The following ARF5 variants were observed in gnomAD, a reference collection of about 807,000 sequenced individuals.
ARF5 encodes the protein ARF GTPase 5.
A neutral mutation model predicts 24.8 loss-of-function variants in ARF5; 10 were observed. That is an observed-to-expected ratio of 0.40 (90% CI 0.25 to 0.68). The LOEUF is 0.68. Among genes scored for constraint, ARF5 ranks in the 30% least tolerant of loss-of-function variants. The probability of loss-of-function intolerance (pLI) is 0.36; values close to 1 mark genes in which losing one functional copy is unlikely to be tolerated. For synonymous variants in ARF5, 102 were observed against 95.1 expected, an observed-to-expected ratio of 1.07 and a Z score of -0.42; for missense variants, 135 against 239.2, an observed-to-expected ratio of 0.56 and a Z score of 2.87.
Position 127,589,068 on chromosome 7 carries a change from C to G in ARF5, c.68-15C>G. On this transcript the variant is annotated splice_polypyrimidine_tract_variant and intron_variant, in intron 1 of 5. Transcript: ENST00000000233. ...CTCGCTCCCATCTCCATCCCTGTGC[C>G]CCTTTCCGTTGCAGTTGGCTTGGAT... is the stretch of plus-strand genomic sequence containing the variant. 5.6e-6 allele frequency: 9 copies of G among 1,614,182 alleles called. No homozygotes were observed. Among genetic ancestry groups the G allele is most frequent in the Non-Finnish European group, 7.6e-6 (9 of 1,179,990 alleles).
chr7:127,591,130 G>A (rs1203021681), intron 5 of ARF5, 42 bp downstream of exon 5: 3 of 1,612,032 alleles, frequency 1.9e-6, no homozygotes, highest in South Asian at 2.2e-5. Context: ...TGCCTCTTGA[G>A]GGAAGCTGCA....
rs2117415613 is a variant in ARF5, at chr7:127,589,567, G to A, written c.231G>A (p.Leu77=). 6.2e-7 allele frequency: 1 copy of A among 1,613,972 alleles called. No homozygotes were observed. The highest frequency in any genetic ancestry group is 1.3e-5 in the African/African-American group (1 of 75,030). Residue 77 remains leucine (L), a synonymous_variant, in exon 3 of 6, where the codon CTG becomes CTA. Transcript: ENST00000000233. ...DVGGQDKIRP[L]WRHYFQNTQG... is the part of the protein sequence containing the mutation. ...GAGGCCAGGACAAGATTCGGCCTCT[G>A]TGGCGGCACTACTTCCAGAACACTC...
At position 127,591,544 on chromosome 7, in the gene ARF5, C is replaced by G; in HGVS notation, c.*245C>G. The stretch of plus-strand genomic sequence containing the variant: ...TATGGAAGGGGCTTCCTGGCCAAGG[C>G]CCCCTCTTCCAGAGGAGGAGCAGGG... On this transcript the variant is annotated 3_prime_UTR_variant, in exon 6 of 6. Transcript: ENST00000000233. The G allele has an allele frequency of 1.1e-5, 5 of 475,566 alleles. No individual in the cohort carries two copies. Among genetic ancestry groups the G allele is most frequent in the Non-Finnish European group, 1.8e-5 (5 of 271,820 alleles). 29.5% of individuals were successfully genotyped at this position (475,566 alleles called of 1,614,324 possible).
Position 127,588,574 on chromosome 7 carries a change from G to A in ARF5, c.67+9G>A. The A allele has an allele frequency of 7.1e-7, 1 of 1,409,774 alleles. No homozygotes were observed. The highest frequency in any genetic ancestry group is 1.5e-5 in the African/African-American group (1 of 67,638). 87.3% of individuals were successfully genotyped at this position (1,409,774 alleles called of 1,614,324 possible). A position where few individuals can be genotyped will look rare whatever the true frequency, so the allele number is the denominator to read the frequency against. Reference sequence around the variant, plus strand: ...GATGCGGATTCTCATGGGTGAGGCAGATCGAGCGCGCGGCCCGGACCGGGG... The same window carrying A: ...GATGCGGATTCTCATGGGTGAGGCAAATCGAGCGCGCGGCCCGGACCGGGG... On this transcript the variant is annotated intron_variant, in intron 1 of 5. Transcript: ENST00000000233.
intron 3 of ARF5, 41 bp downstream of exon 3, chr7:127,589,635 G>C: frequency 1.3e-6 from 2 of 1,501,854 alleles, no homozygotes; most frequent in Non-Finnish European, 1.8e-6. Context: ...CACGGGAAAA[G>C]GTGTTAGGGC....
At position 127,591,599 on chromosome 7, in the gene ARF5, G is replaced by A; in HGVS notation, c.*300G>A. On this transcript the variant is annotated 3_prime_UTR_variant, in exon 6 of 6. Coordinates refer to ENST00000000233, the MANE Select transcript of ARF5 (RefSeq NM_001662.4). Reference sequence around the variant, plus strand: ...GGGTTTCCTTTTTTTTTTCTGTTTTGGGTGTACTCTAGGGGCCAGGTTGGG... The same window carrying A: ...GGGTTTCCTTTTTTTTTTCTGTTTTAGGTGTACTCTAGGGGCCAGGTTGGG... The A allele has an allele frequency of 2.7e-6, 1 of 365,750 alleles. No homozygotes were observed. The highest frequency in any genetic ancestry group is 5.0e-6 in the Non-Finnish European group (1 of 201,896). The allele number at this position is 365,750 out of a possible 1,614,324, so 22.7% of individuals were successfully genotyped here.
At chr7:127,590,003 C>T in intron 3 of ARF5, 63 bp from the exon 4 acceptor site, 1 of 1,391,042 alleles carries the variant, frequency 7.2e-7, no homozygotes, top group Non-Finnish European at 1.0e-6. Flanking sequence ...CAGAAAGGGC[C>T]ACACTACGGT....
At chr7:127,589,017 C>T (rs574798687) in intron 1 of ARF5, 66 bp from the exon 2 acceptor site, 2 of 1,573,258 alleles carry the variant, frequency 1.3e-6, no homozygotes, top group Admixed American at 1.7e-5. Context: ...GTGGCCTCTC[C>T]CTTTCCCTGG....
rs1381682477 is a variant in ARF5 at position 127,591,339 on chromosome 7, G to A, written c.*40G>A. On this transcript the variant is annotated 3_prime_UTR_variant, in exon 6 of 6. Coordinates refer to ENST00000000233, the MANE Select transcript of ARF5 (RefSeq NM_001662.4). Reference sequence around the variant, plus strand: ...GCCCCTGATGCCCGGAAGCTCCTGCGTGCATCCCCGGGATGACCAGACTCC... The same window carrying A: ...GCCCCTGATGCCCGGAAGCTCCTGCATGCATCCCCGGGATGACCAGACTCC... 3 of 1,517,968 alleles carry A rather than the reference G, an allele frequency of 2.0e-6. No individual in the cohort carries two copies. Among genetic ancestry groups the A allele is most frequent in the Non-Finnish European group, 2.6e-6 (3 of 1,133,084 alleles). The allele number at this position is 1,517,968 out of a possible 1,614,324, so 94.0% of individuals were successfully genotyped here. A position where few individuals can be genotyped will look rare whatever the true frequency, so the allele number is the denominator to read the frequency against.
At position 127,590,477 on chromosome 7, in the gene ARF5, C is replaced by T. The variant is rs544424328; in HGVS notation, c.330+340C>T. On this transcript the variant is annotated intron_variant, in intron 4 of 5. Transcript: ENST00000000233. ...CCTCCCAAGTAGCTGGGATTACAGG[C>T]GCCCGCTGCCATGCCCAGTTAATTT... Among the ~76,000 whole-genome samples, 31 of 152,232 alleles carry T rather than the reference C, an allele frequency of 2.0e-4. No individual in the cohort carries two copies. The East Asian group carries it at 4.8e-3, about 24-fold the overall frequency.
intron 4 of ARF5, 93 bp from the exon 5 acceptor site, chr7:127,590,870 T>C (rs1350178596): frequency 6.8e-7 from 1 of 1,477,380 alleles, no homozygotes; most frequent in Non-Finnish European, 9.1e-7. Flanking sequence ...ATACTTTTTT[T>C]TTCCAATCAA....
Position 127,591,413 on chromosome 7 carries a change from C to A in ARF5, c.*114C>A. 1.1e-6 allele frequency: 1 copy of A among 869,646 alleles called. No individual in the cohort carries two copies. Among genetic ancestry groups the A allele is most frequent in the Non-Finnish European group, 1.7e-6 (1 of 585,986 alleles). The allele number at this position is 869,646 out of a possible 1,614,324, so 53.9% of individuals were successfully genotyped here. On this transcript the variant is annotated 3_prime_UTR_variant, in exon 6 of 6. Transcript: ENST00000000233. ...TCCTCCCACTTTTCCTCCCCCATAG[C>A]CACAGGCCTCTGCTCCTGCTCCTGC...
chr7:127,591,429 C>G lies in ARF5; in HGVS notation c.*130C>G, dbSNP rs1380452136. 1 of 725,456 alleles carries G rather than the reference C, an allele frequency of 1.4e-6. No individual in the cohort carries two copies. The highest frequency in any genetic ancestry group is 3.5e-5 in the Admixed American group (1 of 28,534). 44.9% of individuals were successfully genotyped at this position (725,456 alleles called of 1,614,324 possible). A position where few individuals can be genotyped will look rare whatever the true frequency, so the allele number is the denominator to read the frequency against. ...CCCCCATAGCCACAGGCCTCTGCTC[C>G]TGCTCCTGCCTGCATGTTCTCTCTG... On this transcript the variant is annotated 3_prime_UTR_variant, in exon 6 of 6. Coordinates refer to ENST00000000233, the MANE Select transcript of ARF5 (RefSeq NM_001662.4).
At position 127,590,147 on chromosome 7, in the gene ARF5, C is replaced by G. The variant is rs956252786; in HGVS notation, c.330+10C>G. ...TGAACTCCAGAAGATGGTGAGTACC[C>G]AGAGCCCTGGGAACTGAGCCCTCAG... On this transcript the variant is annotated intron_variant, in intron 4 of 5. Coordinates refer to ENST00000000233, the MANE Select transcript of ARF5 (RefSeq NM_001662.4). 1 of 1,612,680 alleles carries G rather than the reference C, an allele frequency of 6.2e-7. No homozygotes were observed. The highest frequency in any genetic ancestry group is 1.3e-5 in the African/African-American group (1 of 74,866).
intron 4 of ARF5, 66 bp from the exon 5 acceptor site, chr7:127,590,897 A>C (rs556506579): frequency 1.3e-6 from 2 of 1,539,614 alleles, no homozygotes; most frequent in African/African-American, 2.8e-5. Context: ...AGGAGGTAGA[A>C]AGGGAATTCC....
intron 2 of ARF5, 53 bp downstream of exon 2, chr7:127,589,216 G>T: frequency 1.9e-6 from 3 of 1,590,868 alleles, no homozygotes; most frequent in Middle Eastern, 1.7e-4. Context: ...GCCCTCGCGG[G>T]GTCTGCTCCC....
At chr7:127,590,330 C>G (rs1000175369) in intron 4 of ARF5, among the ~76,000 whole-genome samples, 193 bp downstream of exon 4, 1 of 151,278 alleles carries the variant, frequency 6.6e-6, no homozygotes, top group Non-Finnish European at 1.5e-5. Flanking sequence ...TGTGCATTGT[C>G]TTGTCTTTTT....
rs1286936912 is a variant in ARF5 at position 127,590,981 on chromosome 7, C to T, written c.349C>T (p.Arg117Trp). ...LQKMLQEDELRDAVLLVFANK... is the reference protein window; with the variant it reads ...LQKMLQEDELWDAVLLVFANK... The stretch of plus-strand genomic sequence containing the variant: ...CTCTCAGCTGCAGGAGGACGAGCTG[C>T]GGGATGCAGTGCTGCTGGTATTTGC... Residue 117 changes from arginine to tryptophan, a missense_variant, in exon 5 of 6, where the codon CGG becomes TGG. By Grantham distance (101) the Arg-to-Trp change is moderately radical. Coordinates refer to ENST00000000233, the MANE Select transcript of ARF5 (RefSeq NM_001662.4). The T allele has an allele frequency of 4.3e-6, 7 of 1,613,454 alleles. No individual in the cohort carries two copies. Among genetic ancestry groups the T allele is most frequent in the South Asian group, 1.1e-5 (1 of 91,046 alleles).
At chr7:127,589,821 G>T in intron 3 of ARF5, 1 of 607,672 alleles carries the variant, frequency 1.6e-6, no homozygotes. Flanking sequence ...GCCTGATTTA[G>T]CCCTCATAAC....
Sources: allele counts gnomAD v4.1 joint callset (sites outside exome capture counted in the v4.1 genomes callset), GRCh38; gene constraint gnomAD v4.1.1; transcripts MANE v1.5; gene names NCBI Gene and HGNC (gene_info 2026-07-23, HGNC 2026-07-21).